The following RSU1 variants were observed in gnomAD, a reference collection of about 807,000 sequenced individuals.
RSU1 encodes the protein Ras suppressor protein 1, also known as rsu-1.
RSU1 carries 26 observed loss-of-function variants against 31.1 expected under a neutral mutation model. That is an observed-to-expected ratio of 0.84 (90% CI 0.61 to 1.16). RSU1 has a LOEUF of 1.16. Ranked by LOEUF, RSU1 falls within the 50% of genes most tolerant of loss-of-function variation. RSU1 has a pLI of 0.00. For missense variants in RSU1, 320 were observed against 339.1 expected (o/e 0.94, Z 0.44); for synonymous variants, 164 against 136.3 (o/e 1.20, Z -1.41).
At chr10:16,689,425 C>T (rs1835499078) in intron 8 of RSU1, among the ~76,000 whole-genome samples, 1 of 152,232 alleles carries the variant, frequency 6.6e-6, no homozygotes, top group Non-Finnish European at 1.5e-5. Flanking sequence ...AGGCCACTGA[C>T]TCAGCAGTCA....
chr10:16,649,643 A>T (rs973566218), intron 8 of RSU1, among the ~76,000 whole-genome samples: 9 of 152,124 alleles, frequency 5.9e-5, no homozygotes, highest in African/African-American at 2.2e-4. Context: ...TAGGCACGTG[A>T]TTTTTCTAGG....
intron 7 of RSU1, chr10:16,748,083 G>A (rs1347181944): frequency 1.3e-5 from 2 of 152,226 alleles, no homozygotes; most frequent in African/African-American, 4.8e-5. Flanking sequence ...ACCCTTCAAT[G>A]TCTTCCCATT....
At chr10:16,683,736 G>T (rs1178166741) in intron 8 of RSU1, among the ~76,000 whole-genome samples, 1 of 152,204 alleles carries the variant, frequency 6.6e-6, no homozygotes, top group Admixed American at 6.5e-5. Context: ...TGTCCAAGGT[G>T]GTTGGGGCGC....
At chr10:16,601,720 G>A (rs1292286313) in intron 8 of RSU1, among the ~76,000 whole-genome samples, 1 of 152,150 alleles carries the variant, frequency 6.6e-6, no homozygotes, top group Non-Finnish European at 1.5e-5. Context: ...ATGTGGCTGG[G>A]GAATCTGGCT....
chr10:16,696,829 CT>C (rs1564321217), intron 7 of RSU1, among the ~76,000 whole-genome samples: 1 of 139,166 alleles, frequency 7.2e-6, no homozygotes, highest in African/African-American at 2.5e-5. Flanking sequence ...TGGCAAGGGG[CT>C]GCCATTGATC....
chr10:16,690,824 A>C (rs970623659), intron 8 of RSU1, among the ~76,000 whole-genome samples: 12 of 152,306 alleles, frequency 7.9e-5, no homozygotes, highest in Admixed American at 4.6e-4. Context: ...GGTTAGAAAA[A>C]AGCGGTTGGG....
chr10:16,783,756 A>G (rs1837710101), intron 2 of RSU1, among the ~76,000 whole-genome samples: 1 of 152,086 alleles, frequency 6.6e-6, no homozygotes, highest in African/African-American at 2.4e-5. Context: ...AGCTTGAACC[A>G]CTGAGATTAA....
intron 7 of RSU1, among the ~76,000 whole-genome samples, chr10:16,752,024 T>C (rs1006851928): frequency 3.3e-5 from 5 of 152,114 alleles, no homozygotes; most frequent in African/African-American, 1.2e-4. Context: ...TAACAATTCC[T>C]ACTAGAGATG....
At chr10:16,648,593 A>G (rs1362347076) in intron 8 of RSU1, among the ~76,000 whole-genome samples, 1 of 152,164 alleles carries the variant, frequency 6.6e-6, no homozygotes, top group Admixed American at 6.5e-5. Context: ...GGAGATGAAC[A>G]GATGGCTAAA....
chr10:16,706,697 A>G (rs918455348), intron 7 of RSU1, among the ~76,000 whole-genome samples: 4 of 152,170 alleles, frequency 2.6e-5, no homozygotes, highest in African/African-American at 9.7e-5. Flanking sequence ...GCTAGTATTC[A>G]TCACCTCATG....
intron 8 of RSU1, 53 bp from the exon 9 acceptor site, chr10:16,593,549 G>A: frequency 7.4e-7 from 1 of 1,358,750 alleles, no homozygotes; most frequent in Non-Finnish European, 1.1e-6. Flanking sequence ...ACACAAGATA[G>A]CTTTCACTGG....
intron 8 of RSU1, among the ~76,000 whole-genome samples, chr10:16,670,928 C>A (rs531081550): frequency 3.4e-4 from 51 of 152,116 alleles, no homozygotes; most frequent in Middle Eastern, 3.4e-3. Context: ...CCACGCCCGG[C>A]TAATTTTTTG....
intron 7 of RSU1, among the ~76,000 whole-genome samples, chr10:16,720,976 G>C (rs1431222026): frequency 1.3e-5 from 2 of 152,102 alleles, no homozygotes; most frequent in African/African-American, 4.8e-5. Context: ...AACTGAACAA[G>C]ACCCTATCTC....
intron 7 of RSU1, among the ~76,000 whole-genome samples, chr10:16,701,709 C>A (rs1835799009): frequency 6.6e-6 from 1 of 152,140 alleles, no homozygotes; most frequent in Admixed American, 6.6e-5. Context: ...TAAGTGTGTG[C>A]TGGTGTGAAG....
intron 7 of RSU1, among the ~76,000 whole-genome samples, chr10:16,700,853 T>C (rs921377433): frequency 2.0e-5 from 3 of 152,230 alleles, no homozygotes; most frequent in African/African-American, 7.2e-5. Context: ...AAAACAGAGT[T>C]ATTTGTATGC....
chr10:16,593,544 A>T (rs754945179), intron 8 of RSU1, 48 bp from the exon 9 acceptor site: 1 of 1,434,126 alleles, frequency 7.0e-7, no homozygotes, highest in South Asian at 1.1e-5. Flanking sequence ...TGCCAACACA[A>T]GATAGCTTTC....
chr10:16,770,445 C>T (rs765699185), intron 3 of RSU1, among the ~76,000 whole-genome samples: 22 of 152,282 alleles, frequency 1.4e-4, no homozygotes, highest in African/African-American at 5.3e-4. Context: ...AAACACATGG[C>T]GCTTTCCCTC....
chr10:16,648,609 C>T (rs1384614625), intron 8 of RSU1, among the ~76,000 whole-genome samples: 2 of 151,986 alleles, frequency 1.3e-5, no homozygotes, highest in African/African-American at 2.4e-5. Flanking sequence ...CTAAAGTAAA[C>T]AATGGGAATT....
At chr10:16,656,568 T>C (rs1329777311) in intron 8 of RSU1, among the ~76,000 whole-genome samples, 2 of 152,246 alleles carry the variant, frequency 1.3e-5, no homozygotes, top group Non-Finnish European at 2.9e-5. Flanking sequence ...TGAGATTGTA[T>C]AAAATCAATG....
Sources: gnomAD v4.1 joint callset for allele counts (sites outside exome capture counted in the v4.1 genomes callset) on GRCh38, gnomAD v4.1.1 for gene constraint, MANE v1.5 for transcripts, NCBI Gene and HGNC (gene_info 2026-07-23, HGNC 2026-07-21) for gene names.